The following CALD1 variants were observed in gnomAD, a reference collection of about 807,000 sequenced individuals.
The protein encoded by CALD1 is caldesmon 1, also known as caldesmon.
In CALD1, 33 loss-of-function variants were observed where a neutral mutation model predicts 99.9. The ratio of observed to expected loss-of-function variants is 0.33; its 90% CI spans 0.25 to 0.44. The LOEUF (loss-of-function observed/expected upper bound fraction) is 0.44, where lower values mean the gene tolerates loss of function less well. Among genes scored for constraint, CALD1 ranks in the 20% least tolerant of loss-of-function variants. The pLI is 1.00. For missense variants in CALD1, 861 were observed against 962.1 expected (o/e 0.89, Z 1.39); for synonymous variants, 310 against 325.0 (o/e 0.95, Z 0.50).
At position 134,921,535 on chromosome 7, in the gene CALD1, G is replaced by A. The variant is rs984721648; in HGVS notation, c.72-7219G>A. On this transcript the variant is annotated intron_variant, in intron 3 of 14. Transcript: ENST00000361675. ...TAAATTAAAACAACTGCTGTGGTCC[G>A]GCATGGTGGTTTACGCCTGTAATCC... 2.6e-5 allele frequency among the ~76,000 whole-genome samples: 4 copies of A among 152,322 alleles called. No homozygotes were observed. In the East Asian group the frequency reaches 5.8e-4, roughly 22 times the overall value.
At chr7:134,737,941 A>G in the CALD1 span, among the ~76,000 whole-genome samples, 6 of 152,202 alleles carry the variant, frequency 3.9e-5, no homozygotes, top group Non-Finnish European at 8.8e-5. Context: ...TCGTATGTAG[A>G]GTAGGTCCAG....
the CALD1 span, among the ~76,000 whole-genome samples, chr7:134,725,850 T>C: frequency 6.6e-6 from 1 of 152,140 alleles, no homozygotes; most frequent in Non-Finnish European, 1.5e-5. Context: ...GAGAAGGTGC[T>C]ACAAAGACAG....
chr7:134,912,686 T>C (rs575043280), intron 3 of CALD1, among the ~76,000 whole-genome samples: 1 of 152,342 alleles, frequency 6.6e-6, no homozygotes, highest in Non-Finnish European at 1.5e-5. Context: ...CATATCTTCA[T>C]ACTCCACCTT....
In CALD1 at chr7:134,765,818, G is replaced by A. The variant is rs138915027; in HGVS notation, c.-130+21455G>A. 1.6e-3 allele frequency among the ~76,000 whole-genome samples: 237 copies of A among 152,266 alleles called. 1 individual carries two copies. Among genetic ancestry groups the A allele is most frequent in the African/African-American group, 5.4e-3 (224 of 41,554 alleles). Reference sequence around the variant, plus strand: ...TGAATGGTTTAGCACCATCTTCTTGGTGCTGCCCTGAAAAGTGATTGGATC... The same window carrying A: ...TGAATGGTTTAGCACCATCTTCTTGATGCTGCCCTGAAAAGTGATTGGATC... On this transcript the variant is annotated intron_variant, in intron 1 of 13. Transcript: ENST00000417172.
intron 1 of CALD1, among the ~76,000 whole-genome samples, chr7:134,841,376 T>C (rs533252125): frequency 1.3e-5 from 2 of 152,330 alleles, no homozygotes; most frequent in Non-Finnish European, 2.9e-5. Flanking sequence ...AACCCATCGA[T>C]CTATTTTTAA....
intron 3 of CALD1, chr7:134,891,410 G>A: frequency 7.8e-7 from 1 of 1,284,484 alleles, no homozygotes; most frequent in South Asian, 3.1e-5. Flanking sequence ...AACGGGTTGG[G>A]AGGAGTAGAT....
chr7:134,727,553 T>C, the CALD1 span, among the ~76,000 whole-genome samples: 1 of 152,278 alleles, frequency 6.6e-6, no homozygotes, highest in African/African-American at 2.4e-5. Context: ...ACAAGCAAAG[T>C]CCATTTTTAA....
intron 3 of CALD1, among the ~76,000 whole-genome samples, chr7:134,906,790 A>G (rs1256879526): frequency 6.6e-6 from 1 of 152,178 alleles, no homozygotes; most frequent in African/African-American, 2.4e-5. Context: ...AGGGCCTCCT[A>G]TAGTCTCCTA....
intron 1 of CALD1, among the ~76,000 whole-genome samples, chr7:134,769,588 ACTCT>A (rs201373535): frequency 1.4e-5 from 2 of 148,050 alleles, no homozygotes; most frequent in African/African-American, 5.0e-5. Context: ...TTATACACAC[ACTCT>A]CTCTCTCTGT....
chr7:134,891,849 A>G (rs1033087617), intron 3 of CALD1, among the ~76,000 whole-genome samples: 8 of 150,420 alleles, frequency 5.3e-5, no homozygotes, highest in African/African-American at 2.0e-4. Flanking sequence ...CCTGTCTGAA[A>G]CTTTCTGGTT....
At chr7:134,781,180 A>C (rs1300301812) in intron 1 of CALD1, among the ~76,000 whole-genome samples, 1 of 152,208 alleles carries the variant, frequency 6.6e-6, no homozygotes, top group East Asian at 1.9e-4. Context: ...TCCCTCGAAG[A>C]GATCAAGTTC....
At chr7:134,819,992 A>G (rs1798710905) in intron 1 of CALD1, among the ~76,000 whole-genome samples, 1 of 152,242 alleles carries the variant, frequency 6.6e-6, no homozygotes, top group African/African-American at 2.4e-5. Flanking sequence ...GAGAATGGAA[A>G]CTGAAATAAT....
intron 3 of CALD1, among the ~76,000 whole-genome samples, chr7:134,907,551 C>T (rs1204590989): frequency 6.6e-6 from 1 of 152,164 alleles, no homozygotes; most frequent in Non-Finnish European, 1.5e-5. Flanking sequence ...ATATATTCAA[C>T]TGCCTGGAAG....
chr7:134,968,640 C>T lies in CALD1; in HGVS notation c.*295C>T. On this transcript the variant is annotated 3_prime_UTR_variant, in exon 15 of 15. Transcript: ENST00000361675. ...TCTGTATCTGAGCAGTGATACCAAC[C>T]ACATCTGAAGTCAACAGAAGATCCA... 2 of 629,464 alleles carry T rather than the reference C, an allele frequency of 3.2e-6. No individual in the cohort carries two copies. Among genetic ancestry groups the T allele is most frequent in the South Asian group, 3.1e-5 (2 of 65,358 alleles). The allele number at this position is 629,464 out of a possible 1,614,324, so 39.0% of individuals were successfully genotyped here. A position where few individuals can be genotyped will look rare whatever the true frequency, so the allele number is the denominator to read the frequency against.
chr7:134,889,596 G>T (rs1204954204), intron 3 of CALD1, among the ~76,000 whole-genome samples: 1 of 152,152 alleles, frequency 6.6e-6, no homozygotes, highest in Non-Finnish European at 1.5e-5. Flanking sequence ...AGTAATTGAA[G>T]GGAAAAAATT....
chr7:134,847,671 G>A (rs1375813937), intron 2 of CALD1, among the ~76,000 whole-genome samples: 6 of 152,298 alleles, frequency 3.9e-5, no homozygotes, highest in Non-Finnish European at 7.3e-5. Context: ...CCAAATAAAC[G>A]TGTTTCCCCG....
At chr7:134,757,752 G>A (rs1274135958) in intron 1 of CALD1, among the ~76,000 whole-genome samples, 5 of 151,994 alleles carry the variant, frequency 3.3e-5, no homozygotes, top group Non-Finnish European at 5.9e-5. Flanking sequence ...GGTGGTGCGC[G>A]CCTGTGATCC....
Position 134,923,885 on chromosome 7 carries a change from T to G in CALD1, c.72-4869T>G, listed in dbSNP as rs145023232. Reference sequence around the variant, plus strand: ...CTCAGAAATTCTAACTTCTGAGAAGTTTTCCTAAGTAAATAATTGAACAAG... The same window carrying G: ...CTCAGAAATTCTAACTTCTGAGAAGGTTTCCTAAGTAAATAATTGAACAAG... On this transcript the variant is annotated intron_variant, in intron 3 of 14. Coordinates refer to ENST00000361675, the MANE Select transcript of CALD1 (RefSeq NM_033138.4). Among the ~76,000 whole-genome samples, 65 of 152,342 alleles carry G rather than the reference T, an allele frequency of 4.3e-4. 1 individual carries two copies. The East Asian group carries it at 4.4e-3, about 10-fold the overall frequency.
At chr7:134,807,923 C>A (rs561705840) in intron 1 of CALD1, among the ~76,000 whole-genome samples, 1 of 152,162 alleles carries the variant, frequency 6.6e-6, no homozygotes, top group South Asian at 2.1e-4. Context: ...CCACCGTGCC[C>A]GGCCGATTAT....
Sources: allele counts gnomAD v4.1 joint callset (sites outside exome capture counted in the v4.1 genomes callset), GRCh38; gene constraint gnomAD v4.1.1; transcripts MANE v1.5; gene names NCBI Gene and HGNC (gene_info 2026-07-23, HGNC 2026-07-21).